Variants in CDK14 observed in about 807,000 individuals in gnomAD.
The protein encoded by CDK14 is cyclin-dependent kinase 14.
In CDK14, 34 loss-of-function variants were observed where a neutral mutation model predicts 60.7. The ratio of observed to expected loss-of-function variants is 0.56; its 90% confidence interval spans 0.43 to 0.75. The LOEUF (loss-of-function observed/expected upper bound fraction) is 0.75, where lower values mean the gene tolerates loss of function less well. CDK14 is among the 30% of genes least tolerant of loss of function. The pLI is 0.00. For synonymous variants in CDK14, 197 were observed against 203.7 expected (o/e 0.97, Z 0.28); for missense variants, 482 against 564.1 (o/e 0.85, Z 1.47).
At chr7:90,712,278 G>C (rs1246797254) in intron 2 of CDK14, among the ~76,000 whole-genome samples, 1 of 151,654 alleles carries the variant, frequency 6.6e-6, no homozygotes, top group Non-Finnish European at 1.5e-5. Flanking sequence ...ACCCTACCCT[G>C]CTCTCATTAA....
intron 11 of CDK14, among the ~76,000 whole-genome samples, chr7:91,075,572 C>T (rs1433327598): frequency 6.6e-6 from 1 of 152,192 alleles, no homozygotes; most frequent in Non-Finnish European, 1.5e-5. Context: ...CAAGGATGCT[C>T]TCTCTCAACA....
intron 6 of CDK14, among the ~76,000 whole-genome samples, chr7:90,869,375 G>A (rs1791294049): frequency 6.6e-6 from 1 of 152,138 alleles, no homozygotes; most frequent in Admixed American, 6.5e-5. Flanking sequence ...CTTGTCTGAG[G>A]AACAGCAGGG....
chr7:90,703,931 C>A (rs1801842223), intron 2 of CDK14, among the ~76,000 whole-genome samples: 2 of 152,078 alleles, frequency 1.3e-5, no homozygotes, highest in Non-Finnish European at 2.9e-5. Context: ...ACAAAAAATA[C>A]AAAAATTAGC....
Position 90,740,688 on chromosome 7 carries a change from A to G in CDK14, c.370-6993A>G, listed in dbSNP as rs541723953. ...GCCACCAAGTATGTGATGTTTTGTT[A>G]TGACACCTCTAGCAATCCATACATA... On this transcript the variant is annotated intron_variant, in intron 3 of 14. Coordinates refer to ENST00000380050, the MANE Select transcript of CDK14 (RefSeq NM_001287135.2). Among the ~76,000 whole-genome samples, 132 of 152,306 alleles carry G rather than the reference A, an allele frequency of 8.7e-4. 1 individual carries two copies. Among genetic ancestry groups the G allele is most frequent in the African/African-American group, 3.1e-3 (129 of 41,570 alleles).
At chr7:90,884,032 C>T (rs1791859782) in intron 6 of CDK14, among the ~76,000 whole-genome samples, 1 of 152,124 alleles carries the variant, frequency 6.6e-6, no homozygotes, top group East Asian at 1.9e-4. Context: ...TGGTACAAGG[C>T]AAGGATGCCC....
chr7:90,645,238 CA>C (rs2116455173), intron 2 of CDK14, among the ~76,000 whole-genome samples: 1 of 152,246 alleles, frequency 6.6e-6, no homozygotes, highest in South Asian at 2.1e-4. Flanking sequence ...CTCATAAATA[CA>C]TCCTCAGTTT....
At chr7:90,600,737 A>T (rs1371089651) in intron 1 of CDK14, among the ~76,000 whole-genome samples, 1 of 152,276 alleles carries the variant, frequency 6.6e-6, no homozygotes, top group African/African-American at 2.4e-5. Flanking sequence ...AAATATTTTA[A>T]TTTGAAAACT....
chr7:90,949,338 T>G (rs1038174480), intron 8 of CDK14, among the ~76,000 whole-genome samples: 2 of 151,916 alleles, frequency 1.3e-5, no homozygotes, highest in African/African-American at 4.8e-5. Context: ...GTAGCTGGGT[T>G]TACAGGCGCC....
At chr7:90,998,473 A>G (rs1017812367) in intron 10 of CDK14, among the ~76,000 whole-genome samples, 5 of 152,238 alleles carry the variant, frequency 3.3e-5, no homozygotes, top group Admixed American at 3.3e-4. Context: ...AAGTGAATAG[A>G]CACTTGGGCA....
At chr7:91,069,066 G>T (rs1369574796) in intron 11 of CDK14, among the ~76,000 whole-genome samples, 1 of 152,108 alleles carries the variant, frequency 6.6e-6, no homozygotes, top group Non-Finnish European at 1.5e-5. Context: ...CACAGTAGTT[G>T]CTCAATACAT....
rs574985760 is a variant in CDK14 at position 90,848,137 on chromosome 7, T to G, written c.545-15038T>G. On this transcript the variant is annotated intron_variant, in intron 5 of 14. Coordinates refer to ENST00000380050, the MANE Select transcript of CDK14 (RefSeq NM_001287135.2). The stretch of plus-strand genomic sequence containing the variant: ...TTTCTTTTGACAGAGAGTCTTAACC[T>G]GTCGCCCAGGCTGAAGTGCGGTGAC... 1.8e-4 allele frequency among the ~76,000 whole-genome samples: 27 copies of G among 152,276 alleles called. 2 individuals are homozygous for G. The highest frequency in any genetic ancestry group is 1.6e-4 in the Non-Finnish European group (11 of 68,026).
intron 3 of CDK14, among the ~76,000 whole-genome samples, chr7:90,737,801 C>T (rs529646920): frequency 6.6e-6 from 1 of 152,308 alleles, no homozygotes; most frequent in East Asian, 1.9e-4. Flanking sequence ...CTCATACCCA[C>T]TCTCACAATT....
At chr7:90,778,737 C>G (rs930446133) in intron 4 of CDK14, among the ~76,000 whole-genome samples, 23 of 152,108 alleles carry the variant, frequency 1.5e-4, no homozygotes, top group African/African-American at 4.1e-4. Context: ...CATTCTCACC[C>G]TCTGAGCTTT....
chr7:90,660,549 G>A (rs532290523), intron 2 of CDK14, among the ~76,000 whole-genome samples: 46 of 152,324 alleles, frequency 3.0e-4, no homozygotes, highest in African/African-American at 9.9e-4. Context: ...ACCCTGCTAA[G>A]TGCAGTGAGA....
chr7:90,821,469 C>T (rs1370590800), intron 5 of CDK14, among the ~76,000 whole-genome samples: 1 of 152,212 alleles, frequency 6.6e-6, no homozygotes, highest in Non-Finnish European at 1.5e-5. Flanking sequence ...CTGTCCTTTG[C>T]TCTGTAACTG....
chr7:91,037,208 A>G (rs1796957282), intron 10 of CDK14, among the ~76,000 whole-genome samples: 1 of 152,228 alleles, frequency 6.6e-6, no homozygotes, highest in Non-Finnish European at 1.5e-5. Flanking sequence ...TTCATGCCTT[A>G]TTAAATATTT....
chr7:90,971,871 G>A (rs62468484), intron 9 of CDK14, among the ~76,000 whole-genome samples: 6,180 of 152,170 alleles, frequency 0.041, 155 homozygotes, highest in South Asian at 0.072. Context: ...TCAGTCTTCC[G>A]TGTTAGTTTT....
chr7:91,150,776 T>C (rs1159956439), intron 14 of CDK14, among the ~76,000 whole-genome samples: 1 of 152,194 alleles, frequency 6.6e-6, no homozygotes. Flanking sequence ...CTCTAGTTGA[T>C]GAAGTTAGCT....
chr7:90,897,320 A>C (rs2117345339), intron 6 of CDK14, among the ~76,000 whole-genome samples: 1 of 152,180 alleles, frequency 6.6e-6, no homozygotes, highest in East Asian at 1.9e-4. Flanking sequence ...GGGAAGCAGT[A>C]TGAATTTGAT....
Sources: allele counts gnomAD v4.1 joint callset (sites outside exome capture counted in the v4.1 genomes callset), GRCh38; gene constraint gnomAD v4.1.1; transcripts MANE v1.5; gene names NCBI Gene and HGNC (gene_info 2026-07-23, HGNC 2026-07-21).